DCTN4: variants seen among roughly 807,000 people sequenced by gnomAD.
DCTN4 encodes dynactin subunit 4, also known as dynactin 4 (p62).
In DCTN4, 23 loss-of-function variants were observed where a neutral mutation model predicts 62.7. The ratio of observed to expected loss-of-function variants is 0.37; its 90% CI spans 0.26 to 0.52. The LOEUF (loss-of-function observed/expected upper bound fraction) is 0.52. DCTN4 is among the 20% of genes least tolerant of loss of function. The pLI, the probability that DCTN4 is intolerant of heterozygous loss-of-function variation, is 0.92. For synonymous variants in DCTN4, 199 were observed against 202.1 expected, an observed-to-expected ratio of 0.98 and a Z score of 0.13; for missense variants, 514 against 580.4, an observed-to-expected ratio of 0.89 and a Z score of 1.18.
chr5:150,727,308 C>T (rs1305523847), intron 8 of DCTN4, among the ~76,000 whole-genome samples: 2 of 152,124 alleles, frequency 1.3e-5, no homozygotes, highest in Admixed American at 1.3e-4. Context: ...TAGCTCTTGC[C>T]TTTAATTTTA....
In DCTN4 at chr5:150,719,759, G is replaced by A. The variant is rs1238354002; in HGVS notation, c.920C>T (p.Pro307Leu). ...KIQLVAVNYIPEVRIMSIPNL... is the reference protein window; with the variant it reads ...KIQLVAVNYILEVRIMSIPNL... The stretch of plus-strand genomic sequence containing the variant: ...GGGAATTGACATGATTCTCACTTCT[G>A]GAATATAATTGCTGTGCATAAATAA... The change falls in exon 10 of 13, where the codon CCA (proline) becomes CTA (leucine). Residue 307 changes from proline (P) to leucine (L), a missense_variant. By Grantham distance (98) the Pro-to-Leu change is moderately conservative (BLOSUM62 -3). Transcript: ENST00000447998. 1.2e-6 allele frequency: 2 copies of A among 1,607,122 alleles called. No homozygotes were observed. The highest frequency in any genetic ancestry group is 3.4e-5 in the Admixed American group (2 of 59,690).
At chr5:150,749,318 T>C (rs541665134) in intron 3 of DCTN4, among the ~76,000 whole-genome samples, 36 of 152,308 alleles carry the variant, frequency 2.4e-4, no homozygotes, top group African/African-American at 8.4e-4. Context: ...GGGAAAAGAT[T>C]TGTACAGACA....
chr5:150,757,874 A>C (rs1270616669), intron 1 of DCTN4: 1 of 159,324 alleles, frequency 6.3e-6, no homozygotes, highest in Non-Finnish European at 1.3e-5. Context: ...TTAGATTCAA[A>C]TCCAGGTCCT....
At chr5:150,731,378 T>C (rs1760359760) in intron 6 of DCTN4, 38 bp downstream of exon 6, 1 of 1,518,036 alleles carries the variant, frequency 6.6e-7, no homozygotes, top group Non-Finnish European at 9.1e-7. Context: ...TTTTGATACC[T>C]GCTGTTCTCC....
At chr5:150,727,969 T>C (rs1224301261) in intron 8 of DCTN4, among the ~76,000 whole-genome samples, 2 of 152,090 alleles carry the variant, frequency 1.3e-5, no homozygotes, top group East Asian at 3.8e-4. Context: ...AATGCCCTAA[T>C]GTTAAAAGAT....
At chr5:150,740,191 T>C (rs4958806) in intron 4 of DCTN4, among the ~76,000 whole-genome samples, 150,779 of 152,276 alleles carry the variant, frequency 0.99, 74,653 homozygotes, top group East Asian at 1. Flanking sequence ...GACTAATATC[T>C]CAAGTCTACA....
chr5:150,755,708 C>G (rs979874494), intron 2 of DCTN4: 3 of 355,086 alleles, frequency 8.4e-6, no homozygotes, highest in African/African-American at 6.4e-5. Flanking sequence ...CAAGAGGAGT[C>G]TAGAGACATA....
Position 150,722,904 on chromosome 5 carries a change from T to TA in DCTN4, c.908+2dup. 1 of 1,611,052 alleles carries TA rather than the reference T, an allele frequency of 6.2e-7. No individual in the cohort carries two copies. On this transcript the variant is annotated splice_region_variant and intron_variant, in intron 9 of 12. Transcript: ENST00000447998. ...CTGAAAACACCAATCCCAAAATACT[T>TA]ACACAGCGACCAGCTGGATTTTGAA...
At chr5:150,717,853 G>C (rs1046839368) in intron 11 of DCTN4, among the ~76,000 whole-genome samples, 2 of 152,158 alleles carry the variant, frequency 1.3e-5, no homozygotes, top group Admixed American at 6.5e-5. Flanking sequence ...TAAATTTGAG[G>C]ATCTGAAGGA....
intron 11 of DCTN4, 41 bp from the exon 12 acceptor site, chr5:150,715,703 G>C (rs750455463): frequency 1.4e-5 from 21 of 1,530,700 alleles, no homozygotes; most frequent in Non-Finnish European, 1.9e-5. Context: ...GAAGGGACCA[G>C]TGTGACAGAA....
chr5:150,724,773 T>G (rs932661907), intron 8 of DCTN4, among the ~76,000 whole-genome samples: 1 of 152,040 alleles, frequency 6.6e-6, no homozygotes. Context: ...ATAGACACAC[T>G]TTTTTTTGTT....
At chr5:150,755,716 A>T in intron 2 of DCTN4, 3 of 344,050 alleles carry the variant, frequency 8.7e-6, no homozygotes, top group Non-Finnish European at 1.1e-5. Flanking sequence ...GTCTAGAGAC[A>T]TAACTATAAA....
At chr5:150,729,944 A>C in intron 8 of DCTN4, among the ~76,000 whole-genome samples, 1 of 151,896 alleles carries the variant, frequency 6.6e-6, no homozygotes, top group East Asian at 1.9e-4. Context: ...TAAACTCTAT[A>C]CATTGTGTTT....
At chr5:150,744,407 A>T (rs1760883681) in intron 3 of DCTN4, among the ~76,000 whole-genome samples, 1 of 151,996 alleles carries the variant, frequency 6.6e-6, no homozygotes, top group South Asian at 2.1e-4. Context: ...CTAGCAAGGC[A>T]GGCCAACATT....
intron 3 of DCTN4, among the ~76,000 whole-genome samples, chr5:150,750,990 A>G (rs1471432183): frequency 1.3e-5 from 2 of 152,204 alleles, no homozygotes; most frequent in Non-Finnish European, 2.9e-5. Context: ...ACACTTTAGT[A>G]TAATATTATT....
chr5:150,744,943 T>C (rs1295578130), intron 3 of DCTN4, among the ~76,000 whole-genome samples: 2 of 150,758 alleles, frequency 1.3e-5, no homozygotes, highest in Non-Finnish European at 2.9e-5. Flanking sequence ...CACAACAATA[T>C]TAACTTTAAA....
At chr5:150,742,282 T>C (rs1013142261) in intron 3 of DCTN4, 125 bp from the exon 4 acceptor site, 13 of 913,188 alleles carry the variant, frequency 1.4e-5, no homozygotes, top group African/African-American at 1.7e-5. Flanking sequence ...TTCTGGTCTA[T>C]ATAACTATAG....
chr5:150,751,297 T>C (rs938021166), intron 3 of DCTN4, among the ~76,000 whole-genome samples: 1 of 152,130 alleles, frequency 6.6e-6, no homozygotes, highest in African/African-American at 2.4e-5. Flanking sequence ...GAGCTCCTGG[T>C]ATTCAATTAT....
intron 8 of DCTN4, among the ~76,000 whole-genome samples, chr5:150,729,055 T>C (rs1447701708): frequency 2.4e-5 from 3 of 125,514 alleles, no homozygotes; most frequent in South Asian, 2.7e-4. Flanking sequence ...TTTTTTTTTT[T>C]TTTTTTTTTT....
Sources: allele counts gnomAD v4.1 joint callset (sites outside exome capture counted in the v4.1 genomes callset), GRCh38; gene constraint gnomAD v4.1.1; transcripts MANE v1.5; gene names NCBI Gene and HGNC (gene_info 2026-07-23, HGNC 2026-07-21).